Variants in ATE1 observed in about 807,000 individuals in gnomAD.
ATE1 encodes the protein arginyl-tRNA--protein transferase 1.
ATE1 carries 36 observed loss-of-function variants against 70.5 expected under a neutral mutation model. That is an observed-to-expected ratio of 0.51 (90% CI 0.39 to 0.67). ATE1 has a LOEUF of 0.67. Ranked by LOEUF, ATE1 falls within the 30% of genes least tolerant of loss-of-function variation. The pLI, the probability that ATE1 is intolerant of heterozygous loss-of-function variation, is 0.00. For missense variants in ATE1, 593 were observed against 629.5 expected (o/e 0.94, Z 0.62); for synonymous variants, 232 against 219.3 (o/e 1.06, Z -0.51).
intron 10 of ATE1, among the ~76,000 whole-genome samples, chr10:121,828,219 C>T (rs1948102344): frequency 6.6e-6 from 1 of 152,188 alleles, no homozygotes; most frequent in Non-Finnish European, 1.5e-5. Context: ...CAAATCCACT[C>T]AGTTCAATTC....
At chr10:121,776,182 A>G (rs1163309263) in intron 11 of ATE1, among the ~76,000 whole-genome samples, 1 of 152,184 alleles carries the variant, frequency 6.6e-6, no homozygotes, top group Non-Finnish European at 1.5e-5. Flanking sequence ...GAACATTCCA[A>G]TTCCACTCTT....
At chr10:121,788,877 C>T (rs898959254) in intron 11 of ATE1, among the ~76,000 whole-genome samples, 4 of 152,226 alleles carry the variant, frequency 2.6e-5, no homozygotes, top group African/African-American at 4.8e-5. Flanking sequence ...AGCATCAGCA[C>T]CTGTGCCTGT....
intron 4 of ATE1, 127 bp from the exon 5 acceptor site, chr10:121,911,278 A>C: frequency 1.1e-5 from 13 of 1,177,184 alleles, no homozygotes; most frequent in Middle Eastern, 2.6e-4. Flanking sequence ...ATCCATTCTC[A>C]TCCTCCAAAA....
At chr10:121,919,628 A>T (rs1022812401) in intron 3 of ATE1, among the ~76,000 whole-genome samples, 1 of 151,978 alleles carries the variant, frequency 6.6e-6, no homozygotes, top group Non-Finnish European at 1.5e-5. Flanking sequence ...ATTAACACGC[A>T]AAATGTGCTG....
chr10:121,786,217 T>G (rs1590293586), intron 11 of ATE1, among the ~76,000 whole-genome samples: 1 of 144,332 alleles, frequency 6.9e-6, no homozygotes, highest in African/African-American at 2.6e-5. Context: ...TTTTTTTTTT[T>G]TTTTTTTTTT....
intron 11 of ATE1, among the ~76,000 whole-genome samples, chr10:121,763,998 A>C (rs1945168387): frequency 6.6e-6 from 1 of 152,220 alleles, no homozygotes; most frequent in Admixed American, 6.5e-5. Flanking sequence ...CGACACAGCA[A>C]GACCCTGTCT....
intron 4 of ATE1, among the ~76,000 whole-genome samples, chr10:121,911,659 C>T (rs1564957733): frequency 6.6e-6 from 1 of 152,096 alleles, no homozygotes; most frequent in Non-Finnish European, 1.5e-5. Flanking sequence ...TGGGAAATCA[C>T]ATGTTAAAGA....
At chr10:121,839,882 T>TA (rs1948565714) in intron 9 of ATE1, among the ~76,000 whole-genome samples, 1 of 152,068 alleles carries the variant, frequency 6.6e-6, no homozygotes, top group African/African-American at 2.4e-5. Flanking sequence ...TTATAATTCA[T>TA]AAAAAAGCAC....
At position 121,794,965 on chromosome 10, in the gene ATE1, C is replaced by T. The variant is rs181285287; in HGVS notation, c.1258-4676G>A. Among the ~76,000 whole-genome samples, 1,114 of 152,202 alleles carry T rather than the reference C, an allele frequency of 7.3e-3. 2 individuals carry two copies. The highest frequency in any genetic ancestry group is 0.016 in the South Asian group (76 of 4,824). On this transcript the variant is annotated intron_variant, in intron 10 of 11. Coordinates refer to ENST00000224652, the MANE Select transcript of ATE1 (RefSeq NM_001001976.3). ...ATGCTGACCATCAAGAACATTTAGT[C>T]GGCTGGGGGCGGTAGTTCATGCCTG...
chr10:121,908,570 G>A (rs770933253), intron 5 of ATE1, among the ~76,000 whole-genome samples: 1 of 152,226 alleles, frequency 6.6e-6, no homozygotes, highest in Non-Finnish European at 1.5e-5. Context: ...GCGGAAGGCT[G>A]TCTTTATAGA....
chr10:121,838,312 C>A (rs1379387073), intron 9 of ATE1, among the ~76,000 whole-genome samples: 1 of 151,750 alleles, frequency 6.6e-6, no homozygotes, highest in Non-Finnish European at 1.5e-5. Flanking sequence ...GTCCTTCTCA[C>A]CAACTCCACC....
At chr10:121,767,933 A>AGC (rs1945343989) in intron 11 of ATE1, among the ~76,000 whole-genome samples, 1 of 152,232 alleles carries the variant, frequency 6.6e-6, no homozygotes, top group South Asian at 2.1e-4. Flanking sequence ...CCATGGTCAT[A>AGC]GCAGCATCAT....
chr10:121,927,045 C>T, intron 1 of ATE1: 15 of 985,402 alleles, frequency 1.5e-5, no homozygotes, highest in Non-Finnish European at 1.8e-5. Context: ...TCGTTTTCCA[C>T]AAAGCTAGAC....
intron 7 of ATE1, 102 bp from the exon 8 acceptor site, chr10:121,870,140 C>T: frequency 9.0e-7 from 1 of 1,109,794 alleles, no homozygotes. Flanking sequence ...CCAGTAAATC[C>T]ACTTAAAGTG....
At chr10:121,746,328 T>C (rs1030152692) in intron 11 of ATE1, among the ~76,000 whole-genome samples, 2 of 152,228 alleles carry the variant, frequency 1.3e-5, no homozygotes, top group South Asian at 2.1e-4. Context: ...TAGCACACAG[T>C]AGAGGCTCCA....
At position 121,836,882 on chromosome 10, in the gene ATE1, G is replaced by A. The variant is rs1948453600; in HGVS notation, c.1158-65C>T. The A allele has an allele frequency of 7.2e-6, 7 of 974,474 alleles. No individual in the cohort carries two copies. The Admixed American group carries it at 1.2e-4, about 16-fold the overall frequency. 60.4% of individuals were successfully genotyped at this position (974,474 alleles called of 1,614,324 possible). ...CTGGTTCTAATGTACAAATATCTGT[G>A]TAATTTGATGGTAAACATTTGATAA... is the stretch of plus-strand genomic sequence containing the variant. On this transcript the variant is annotated intron_variant, in intron 9 of 11. Coordinates refer to ENST00000224652, the MANE Select transcript of ATE1 (RefSeq NM_001001976.3).
At chr10:121,894,550 C>T (rs1241693520) in intron 7 of ATE1, among the ~76,000 whole-genome samples, 3 of 152,076 alleles carry the variant, frequency 2.0e-5, no homozygotes, top group East Asian at 1.9e-4. Flanking sequence ...GACTTGTACC[C>T]AGAATATATA....
rs939967531 is a variant in ATE1 at position 121,784,391 on chromosome 10, C to T, written c.1378+5778G>A. Among the ~76,000 whole-genome samples, 3 of 152,332 alleles carry T rather than the reference C, an allele frequency of 2.0e-5. No homozygotes were observed. The South Asian group carries it at 6.2e-4, about 32-fold the overall frequency. ...TGCAAACAAGTAAAACATTATACTT[C>T]AGTCATACACACCAAATATTGTAGC... On this transcript the variant is annotated intron_variant, in intron 11 of 11. Coordinates refer to ENST00000224652, the MANE Select transcript of ATE1 (RefSeq NM_001001976.3).
intron 5 of ATE1, among the ~76,000 whole-genome samples, chr10:121,905,288 G>GT (rs1257793267): frequency 6.6e-6 from 1 of 152,066 alleles, no homozygotes; most frequent in African/African-American, 2.4e-5. Context: ...CTAAAATAAT[G>GT]TTTTACCTAT....
Sources: gnomAD v4.1 joint callset for allele counts (sites outside exome capture counted in the v4.1 genomes callset) on GRCh38, gnomAD v4.1.1 for gene constraint, MANE v1.5 for transcripts, NCBI Gene and HGNC (gene_info 2026-07-23, HGNC 2026-07-21) for gene names.